Variants in COL10A1 observed in about 807,000 individuals in gnomAD.
The protein encoded by COL10A1 is collagen type X alpha 1 chain, also known as collagen alpha-1(X) chain.
In COL10A1, 10 loss-of-function variants were observed where a neutral mutation model predicts 18.2. The ratio of observed to expected loss-of-function variants is 0.55; its 90% confidence interval spans 0.34 to 0.93. The LOEUF is 0.93. COL10A1 is among the 40% of genes least tolerant of loss of function. COL10A1 has a pLI of 0.02. For synonymous variants in COL10A1, 330 were observed against 316.6 expected, an observed-to-expected ratio of 1.04 and a Z score of -0.45; for missense variants, 897 against 853.5, an observed-to-expected ratio of 1.05 and a Z score of -0.64.
In COL10A1 at chr6:116,120,586, AG is replaced by A; in HGVS notation, c.1529del (p.Pro510LeufsTer17). 6.3e-7 allele frequency: 1 copy of A among 1,592,276 alleles called. No individual in the cohort carries two copies. Among genetic ancestry groups the A allele is most frequent in the Non-Finnish European group, 8.5e-7 (1 of 1,171,670 alleles). On this transcript the variant is annotated frameshift_variant, in exon 3 of 3. Coordinates refer to ENST00000651968, the MANE Select transcript of COL10A1 (RefSeq NM_000493.4). LOFTEE classifies it low-confidence loss of function (END_TRUNC). ...CTTGACCTGGTGGGCCTGGAGGCCC[AG>A]GGGGCCCTGGAAGACCAGGCTCTCC... Reference protein sequence around the residue: ...HSGEPGLPGPPGPPGPPGQAV... With the variant: ...HSGEPGLPGPXGPPGPPGQAV...
chr6:116,142,872 C>T (rs1432629523), intron 1 of COL10A1, among the ~76,000 whole-genome samples: 1 of 152,158 alleles, frequency 6.6e-6, no homozygotes, highest in East Asian at 1.9e-4. Context: ...GTCCCAGTTG[C>T]TTCACATATA....
At chr6:116,135,393 T>TC (rs756005383) in intron 1 of COL10A1, among the ~76,000 whole-genome samples, 11 of 152,054 alleles carry the variant, frequency 7.2e-5, no homozygotes, top group Non-Finnish European at 1.5e-4. Context: ...TCATTTTTTT[T>TC]CTGTAGCATC....
the COL10A1 span, among the ~76,000 whole-genome samples, chr6:116,205,148 C>G: frequency 6.6e-6 from 1 of 151,886 alleles, no homozygotes; most frequent in Non-Finnish European, 1.5e-5. Flanking sequence ...TTCCTCATCC[C>G]TCTTTTCTGC....
At chr6:116,199,557 C>T in the COL10A1 span, among the ~76,000 whole-genome samples, 2 of 152,100 alleles carry the variant, frequency 1.3e-5, no homozygotes, top group Middle Eastern at 3.2e-3. Context: ...TAACGCCATT[C>T]TCCAGTATTA....
intron 2 of COL10A1, 87 bp downstream of exon 2, chr6:116,125,252 T>C: frequency 6.8e-7 from 1 of 1,472,404 alleles, no homozygotes; most frequent in South Asian, 1.2e-5. Flanking sequence ...AACACCAAAG[T>C]TAAATGCATT....
At chr6:116,136,298 A>T (rs746195529) in intron 1 of COL10A1, among the ~76,000 whole-genome samples, 8 of 151,908 alleles carry the variant, frequency 5.3e-5, no homozygotes, top group Non-Finnish European at 1.2e-4. Flanking sequence ...ATAATATTAC[A>T]TGTTGGTGTG....
At chr6:116,141,489 TC>T (rs751153090) in intron 1 of COL10A1, among the ~76,000 whole-genome samples, 3 of 152,174 alleles carry the variant, frequency 2.0e-5, no homozygotes, top group Non-Finnish European at 4.4e-5. Context: ...TTCCCAACTT[TC>T]CAGTGGGACT....
chr6:116,178,106 CGTGCGT>C, the COL10A1 span, among the ~76,000 whole-genome samples: 15,943 of 130,292 alleles, frequency 0.12, 1,030 homozygotes, highest in Middle Eastern at 0.15. Flanking sequence ...CGCGCGCGTG[CGTGCGT>C]GTGTGTGTGT....
intron 1 of COL10A1, among the ~76,000 whole-genome samples, chr6:116,141,082 A>G (rs1390195135): frequency 1.3e-5 from 2 of 152,162 alleles, no homozygotes; most frequent in African/African-American, 2.4e-5. Context: ...GGGTACACCC[A>G]CTTGGTGTCA....
At chr6:116,129,910 A>G (rs1206999787), upstream of COL10A1, among the ~76,000 whole-genome samples, 1 of 152,034 alleles carries the variant, frequency 6.6e-6, no homozygotes, top group Non-Finnish European at 1.5e-5. Context: ...CAGGTTTGAG[A>G]TACACACATT....
At chr6:116,142,696 G>A (rs927297477) in intron 1 of COL10A1, among the ~76,000 whole-genome samples, 4 of 152,154 alleles carry the variant, frequency 2.6e-5, no homozygotes, top group East Asian at 1.9e-4. Flanking sequence ...AGGAAGCAGT[G>A]AAATATATTA....
intron 1 of COL10A1, among the ~76,000 whole-genome samples, chr6:116,142,361 A>G (rs1278067670): frequency 2.6e-5 from 4 of 152,108 alleles, no homozygotes; most frequent in African/African-American, 9.7e-5. Flanking sequence ...AATTAATAAC[A>G]TAAAAACCAC....
At chr6:116,155,769 AAAAG>A (rs1238788467) in intron 1 of COL10A1, among the ~76,000 whole-genome samples, 1 of 151,878 alleles carries the variant, frequency 6.6e-6, no homozygotes, top group Non-Finnish European at 1.5e-5. Context: ...AAAAAAAAAA[AAAAG>A]AGGGAGGAAG....
At chr6:116,133,851 T>C (rs1162189963) in intron 1 of COL10A1, among the ~76,000 whole-genome samples, 1 of 152,180 alleles carries the variant, frequency 6.6e-6, no homozygotes, top group East Asian at 1.9e-4. Flanking sequence ...TAAAGGTAAT[T>C]GCTATTTGGG....
upstream of COL10A1, among the ~76,000 whole-genome samples, chr6:116,127,980 C>T (rs1316920558): frequency 6.6e-6 from 1 of 152,078 alleles, no homozygotes; most frequent in African/African-American, 2.4e-5. Context: ...GGTTTCTAAG[C>T]TCCTCCCAGT....
At chr6:116,189,483 A>C in the COL10A1 span, among the ~76,000 whole-genome samples, 1 of 151,968 alleles carries the variant, frequency 6.6e-6, no homozygotes, top group Non-Finnish European at 1.5e-5. Context: ...ATATTTTGCA[A>C]GCAATTTAGA....
chr6:116,138,830 A>G (rs1324071408), intron 1 of COL10A1, among the ~76,000 whole-genome samples: 2 of 152,144 alleles, frequency 1.3e-5, no homozygotes, highest in Admixed American at 1.3e-4. Context: ...GATTACAACT[A>G]TGATATTGAG....
At chr6:116,175,028 A>T in the COL10A1 span, among the ~76,000 whole-genome samples, 2 of 152,188 alleles carry the variant, frequency 1.3e-5, no homozygotes, top group African/African-American at 4.8e-5. Flanking sequence ...CATGAACAGG[A>T]TTATCTACTC....
intron 1 of COL10A1, among the ~76,000 whole-genome samples, chr6:116,154,439 C>G (rs1245082019): frequency 6.6e-6 from 1 of 152,018 alleles, no homozygotes; most frequent in Non-Finnish European, 1.5e-5. Context: ...CAGATTCACC[C>G]AAACACATTA....
Sources: gnomAD v4.1 joint callset for allele counts (sites outside exome capture counted in the v4.1 genomes callset) on GRCh38, gnomAD v4.1.1 for gene constraint, MANE v1.5 for transcripts, NCBI Gene and HGNC (gene_info 2026-07-23, HGNC 2026-07-21) for gene names.